Variants in HIBCH observed in about 807,000 individuals in gnomAD.
The protein encoded by HIBCH is 3-hydroxyisobutyryl-CoA hydrolase, mitochondrial.
Under a neutral mutation model 58.2 loss-of-function variants are expected in HIBCH, and 50 were observed. The observed-to-expected ratio is 0.86, with a 90% CI of 0.68 to 1.09. The LOEUF is 1.09. Among genes scored for constraint, HIBCH ranks in the 50% least tolerant of loss-of-function variants. The probability of loss-of-function intolerance (pLI) is 0.00; values close to 1 mark genes in which losing one functional copy is unlikely to be tolerated. For missense variants in HIBCH, 450 were observed against 449.7 expected (o/e 1.00, Z -0.01); for synonymous variants, 151 against 146.9 (o/e 1.03, Z -0.20).
chr2:190,244,125 A>G (rs1485470422), intron 11 of HIBCH, among the ~76,000 whole-genome samples: 1 of 147,622 alleles, frequency 6.8e-6, no homozygotes, highest in Non-Finnish European at 1.5e-5. Flanking sequence ...CATGATGTGG[A>G]GCCTAATATA....
At chr2:190,222,942 T>C (rs1685766956) in intron 11 of HIBCH, among the ~76,000 whole-genome samples, 1 of 152,092 alleles carries the variant, frequency 6.6e-6, no homozygotes, top group African/African-American at 2.4e-5. Context: ...TATGCAGCCA[T>C]AAAAAAGGAT....
In HIBCH at chr2:190,294,627, A is replaced by G; in HGVS notation, c.223T>C (p.Trp75Arg). The G allele has an allele frequency of 1.9e-6, 3 of 1,606,636 alleles. No individual in the cohort carries two copies. The highest frequency in any genetic ancestry group is 2.6e-6 in the Non-Finnish European group (3 of 1,174,130). The change falls in exon 4 of 14, where the codon TGG becomes CGG. Residue 75 changes from tryptophan to arginine, a missense_variant. Coordinates refer to ENST00000359678, the MANE Select transcript of HIBCH (RefSeq NM_014362.4). ...IRQIYPQLKK[W>R]EQDPETFLII... ...AGGAAAGTTTCAGGATCTTGTTCCC[A>G]CTTCTATTCAAATGTAACAGAAGAT...
At chr2:190,199,131 T>C (rs1459294103), downstream of HIBCH, among the ~76,000 whole-genome samples, 7 of 152,196 alleles carry the variant, frequency 4.6e-5, no homozygotes, top group Non-Finnish European at 1.0e-4. Context: ...TAGTCCAAGA[T>C]CTGTAGGTTC....
intron 11 of HIBCH, among the ~76,000 whole-genome samples, chr2:190,218,242 C>A (rs1029325041): frequency 6.6e-6 from 1 of 152,146 alleles, no homozygotes; most frequent in Admixed American, 6.5e-5. Context: ...TAGCTGGAAT[C>A]AGGTCTGGTG....
At chr2:190,292,022 G>A (rs73042248) in intron 4 of HIBCH, among the ~76,000 whole-genome samples, 3,865 of 152,122 alleles carry the variant, frequency 0.025, 178 homozygotes, top group African/African-American at 0.089. Flanking sequence ...TCGCTTTGTT[G>A]CCCAGGCTGG....
rs1686519299 is a variant in HIBCH at position 190,243,764 on chromosome 2, T to C, written c.891+1123A>G. On this transcript the variant is annotated intron_variant, in intron 11 of 13. Transcript: ENST00000359678. The surrounding 1 kb of genome is among the most constrained non-coding windows in gnomAD (Gnocchi z 4.1). ...GGGTGAATCACTTGAGCCTAGGAGG[T>C]CGAGACCAGTCTGGCCAACATGGTG... Among the ~76,000 whole-genome samples, 1 of 151,262 alleles carries C rather than the reference T, an allele frequency of 6.6e-6. No homozygotes were observed. The highest frequency in any genetic ancestry group is 2.4e-5 in the African/African-American group (1 of 41,104).
At position 190,197,147 on chromosome 2, in the gene HIBCH, C is replaced by T. The variant is rs1478530537; in HGVS notation, c.*18-7150G>A. ...AAGGCCCCACCTCCAAATACCATCA[C>T]GTTGGGGATTAGGTTTCAATATATG... On this transcript the variant is annotated intron_variant, in intron 1 of 1. Transcript: ENST00000399855. The surrounding 1 kb of genome is among the most constrained non-coding windows in gnomAD (Gnocchi z 4.0). Among the ~76,000 whole-genome samples, 11 of 152,148 alleles carry T rather than the reference C, an allele frequency of 7.2e-5. No homozygotes were observed. The highest frequency in any genetic ancestry group is 2.0e-4 in the Admixed American group (3 of 15,276).
At chr2:190,199,911 A>G (rs771674193), downstream of HIBCH, 3 of 1,614,114 alleles carry the variant, frequency 1.9e-6, no homozygotes. Flanking sequence ...CCATATATGA[A>G]GGTGAGAAGC....
intron 6 of HIBCH, among the ~76,000 whole-genome samples, chr2:190,271,096 AT>A (rs1293756894): frequency 6.6e-6 from 1 of 150,900 alleles, no homozygotes; most frequent in Non-Finnish European, 1.5e-5. Flanking sequence ...AGCCCACCCC[AT>A]AGCTACTCTT....
intron 2 of HIBCH, among the ~76,000 whole-genome samples, chr2:190,299,601 T>C (rs1216095016): frequency 6.6e-6 from 1 of 151,254 alleles, no homozygotes; most frequent in Non-Finnish European, 1.5e-5. Context: ...AGTCTGACAC[T>C]TTTTTTTCAC....
chr2:190,313,653 AAAAAAAAAAAAG>A (rs768011638), intron 1 of HIBCH, among the ~76,000 whole-genome samples: 1 of 147,830 alleles, frequency 6.8e-6, no homozygotes, highest in Non-Finnish European at 1.5e-5. Context: ...CAAAAAAAAA[AAAAAAAAAAAAG>A]GAATCACCTG....
Position 190,306,147 on chromosome 2 carries a change from A to T in HIBCH, c.78+4607T>A, listed in dbSNP as rs2124849033. ...AAACACACACACAGACAACCACCGA[A>T]AGTATAATATAGAACTTAGTCAATT... On this transcript the variant is annotated intron_variant, in intron 2 of 13. Coordinates refer to ENST00000359678, the MANE Select transcript of HIBCH (RefSeq NM_014362.4). This position sits in a 1 kb window ranked among gnomAD's most constrained non-coding sequence, Gnocchi z 4.6. 6.6e-6 allele frequency among the ~76,000 whole-genome samples: 1 copy of T among 152,150 alleles called. No homozygotes were observed. Among genetic ancestry groups the T allele is most frequent in the Non-Finnish European group, 1.5e-5 (1 of 67,988 alleles).
At position 190,211,530 on chromosome 2, in the gene HIBCH, C is replaced by T. The variant is rs1575694737; in HGVS notation, c.1011+1426G>A. 6.6e-6 allele frequency among the ~76,000 whole-genome samples: 1 copy of T among 152,142 alleles called. No homozygotes were observed. The highest frequency in any genetic ancestry group is 6.6e-5 in the Admixed American group (1 of 15,252). On this transcript the variant is annotated intron_variant, in intron 12 of 13. Coordinates refer to ENST00000359678, the MANE Select transcript of HIBCH (RefSeq NM_014362.4). The surrounding 1 kb of genome is among the most constrained non-coding windows in gnomAD (Gnocchi z 5.0). ...AATGAAATGAAAAATCAAATCACCT[C>T]CTGCTTAAGCCCAAGAGTCTTCTCA...
intron 11 of HIBCH, among the ~76,000 whole-genome samples, chr2:190,232,244 A>T (rs1276484195): frequency 6.6e-6 from 1 of 152,224 alleles, no homozygotes; most frequent in Non-Finnish European, 1.5e-5. Flanking sequence ...CAAAAAATAG[A>T]AAATTAAATT....
Position 190,243,414 on chromosome 2 carries a change from T to TTATATACA in HIBCH, c.891+1465_891+1472dup, listed in dbSNP as rs1686509731. ...AGGTTAATACTTAATAAACTCCCCT[T>TTATATACA]TATATACATATCTCCTATTAGTTCT... On this transcript the variant is annotated intron_variant, in intron 11 of 13. Transcript: ENST00000359678. This position sits in a 1 kb window ranked among gnomAD's most constrained non-coding sequence, Gnocchi z 4.1. 6.6e-6 allele frequency among the ~76,000 whole-genome samples: 1 copy of TTATATACA among 152,140 alleles called. No individual in the cohort carries two copies. The highest frequency in any genetic ancestry group is 1.5e-5 in the Non-Finnish European group (1 of 68,026).
chr2:190,270,078 G>T (rs1447035858), intron 6 of HIBCH, among the ~76,000 whole-genome samples: 1 of 152,154 alleles, frequency 6.6e-6, no homozygotes, highest in Non-Finnish European at 1.5e-5. Context: ...GAGGTGAGGA[G>T]CAAGGGGAGG....
chr2:190,281,544 G>A lies in HIBCH; in HGVS notation c.438+6042C>T, dbSNP rs1687704644. On this transcript the variant is annotated intron_variant, in intron 6 of 13. Transcript: ENST00000359678. This position sits in a 1 kb window ranked among gnomAD's most constrained non-coding sequence, Gnocchi z 5.4. ...TCAAAGGTCTCGGAAATGCCTTGAG[G>A]GTCTTTCTCCCATTGTCTTGATATT... is the stretch of plus-strand genomic sequence containing the variant. Among the ~76,000 whole-genome samples the A allele has an allele frequency of 1.3e-5, 2 of 152,256 alleles. No homozygotes were observed. Among genetic ancestry groups the A allele is most frequent in the East Asian group, 3.9e-4 (2 of 5,184 alleles).
rs1427349358 is a variant in HIBCH at position 190,210,888 on chromosome 2, C to T, written c.1012-1975G>A. ...ACATCTCAGTGAGGCCTTCTCTGGT[C>T]ATCCCATCTACAATTCATCCCCCTG... is the stretch of plus-strand genomic sequence containing the variant. On this transcript the variant is annotated intron_variant, in intron 12 of 13. Coordinates refer to ENST00000359678, the MANE Select transcript of HIBCH (RefSeq NM_014362.4). The surrounding 1 kb of genome is among the most constrained non-coding windows in gnomAD (Gnocchi z 5.5). Among the ~76,000 whole-genome samples, 4 of 152,220 alleles carry T rather than the reference C, an allele frequency of 2.6e-5. No homozygotes were observed. The highest frequency in any genetic ancestry group is 5.9e-5 in the Non-Finnish European group (4 of 68,038).
At chr2:190,299,206 C>T (rs1245414428) in intron 2 of HIBCH, among the ~76,000 whole-genome samples, 3 of 152,094 alleles carry the variant, frequency 2.0e-5, no homozygotes, top group Non-Finnish European at 1.5e-5. Flanking sequence ...TCTAATAGAA[C>T]CTAGAAGTAC....
Sources: allele counts gnomAD v4.1 joint callset (sites outside exome capture counted in the v4.1 genomes callset), GRCh38; gene constraint gnomAD v4.1.1; non-coding constraint Gnocchi (gnomAD v3.1); transcripts MANE v1.5; gene names NCBI Gene and HGNC (gene_info 2026-07-23, HGNC 2026-07-21).